Variants in ITGAE observed in about 807,000 individuals in gnomAD.
The protein encoded by ITGAE is integrin subunit alpha E.
Under a neutral mutation model 136.5 loss-of-function variants are expected in ITGAE, and 99 were observed. The observed-to-expected ratio is 0.73, with a 90% CI of 0.62 to 0.86. The LOEUF (loss-of-function observed/expected upper bound fraction) is 0.86. Ranked by LOEUF, ITGAE falls within the 40% of genes least tolerant of loss-of-function variation. The pLI is 0.00. For synonymous variants in ITGAE, 613 were observed against 591.8 expected (o/e 1.04, Z -0.52); for missense variants, 1,447 against 1,515.3 (o/e 0.95, Z 0.75).
chr17:3,751,994 C>A (rs541833220), intron 14 of ITGAE, 120 bp from the exon 15 acceptor site: 2 of 837,812 alleles, frequency 2.4e-6, no homozygotes, highest in Non-Finnish European at 3.9e-6. Context: ...CCAGGATGCA[C>A]GCTCGCTGGG....
Position 3,755,249 on chromosome 17 carries a change from G to A in ITGAE, c.1252C>T (p.Leu418Phe). Residue 418 changes from leucine to phenylalanine, a missense_variant, in exon 12 of 31, where the codon CTC becomes TTC. Coordinates refer to ENST00000263087, the MANE Select transcript of ITGAE (RefSeq NM_002208.5). The part of the protein sequence containing the change: ...AQILDERQVL[L>F]GAVGAFDWSG... ...CAGTCAAAGGCCCCGACGGCGCCGA[G>A]CAGCACCTGCCGCTGAAGGGGACGG... 2 of 1,575,256 alleles carry A rather than the reference G, an allele frequency of 1.3e-6. No individual in the cohort carries two copies. Among genetic ancestry groups the A allele is most frequent in the Non-Finnish European group, 1.7e-6 (2 of 1,167,202 alleles).
At chr17:3,723,783 C>T in intron 26 of ITGAE, 39 bp from the exon 27 acceptor site, 6 of 1,601,068 alleles carry the variant, frequency 3.7e-6, no homozygotes, top group Non-Finnish European at 5.1e-6. Flanking sequence ...CTGAACAAAC[C>T]AAGCCGCCAG....
chr17:3,724,621 A>G (rs1361020876), intron 26 of ITGAE: 1 of 1,614,088 alleles, frequency 6.2e-7, no homozygotes, highest in Non-Finnish European at 8.5e-7. Flanking sequence ...GGAGGAGCCA[A>G]GGACACCAGG....
intron 2 of ITGAE, among the ~76,000 whole-genome samples, chr17:3,771,697 C>T (rs190201968): frequency 1.3e-5 from 2 of 152,108 alleles, no homozygotes; most frequent in African/African-American, 2.4e-5. Context: ...CCACCACACC[C>T]GGCTAATTTT....
chr17:3,740,503 A>G (rs1272505464), intron 19 of ITGAE, among the ~76,000 whole-genome samples: 6 of 152,124 alleles, frequency 3.9e-5, no homozygotes, highest in Admixed American at 1.3e-4. Flanking sequence ...CAGCCTCCCA[A>G]GTAGCTGGGA....
chr17:3,757,745 G>A lies in ITGAE; in HGVS notation c.981C>T (p.Asn327=), dbSNP rs1481634958. 1.2e-6 allele frequency: 2 copies of A among 1,614,160 alleles called. No individual in the cohort carries two copies. The highest frequency in any genetic ancestry group is 1.1e-5 in the South Asian group (1 of 91,074). ...EDPLNLTTVI[N]SPKMQGVERF... ...GCTCAACACCCTGCATTTTGGGGGA[G>A]TTGATGACTGTCGTAAGGTTGAGGG... Residue 327 remains asparagine (N), a synonymous_variant, in exon 9 of 31, where the codon AAC becomes AAT. Transcript: ENST00000263087.
intron 20 of ITGAE, among the ~76,000 whole-genome samples, chr17:3,737,999 C>A (rs1406340139): frequency 6.6e-6 from 1 of 152,186 alleles, no homozygotes; most frequent in Non-Finnish European, 1.5e-5. Flanking sequence ...AGCCTGGATT[C>A]CAGAGCATTT....
At chr17:3,791,434 C>A (rs1043690447) in intron 1 of ITGAE, among the ~76,000 whole-genome samples, 1 of 151,944 alleles carries the variant, frequency 6.6e-6, no homozygotes, top group Non-Finnish European at 1.5e-5. Flanking sequence ...AGGGGTGTGC[C>A]AACATGCCTG....
chr17:3,768,714 T>G (rs1289878423), intron 2 of ITGAE, among the ~76,000 whole-genome samples: 2 of 152,196 alleles, frequency 1.3e-5, no homozygotes, highest in Non-Finnish European at 2.9e-5. Flanking sequence ...TTACTCTGCT[T>G]CACATCACCC....
At chr17:3,718,940 T>C (rs1288407789) in intron 29 of ITGAE, among the ~76,000 whole-genome samples, 1 of 152,120 alleles carries the variant, frequency 6.6e-6, no homozygotes, top group Non-Finnish European at 1.5e-5. Context: ...GTATTAGAAA[T>C]ACACTACTTA....
intron 1 of ITGAE, among the ~76,000 whole-genome samples, chr17:3,793,626 C>T (rs1168795649): frequency 6.6e-6 from 1 of 152,202 alleles, no homozygotes; most frequent in African/African-American, 2.4e-5. Flanking sequence ...TGGCCACTCT[C>T]CCAGCACCTA....
chr17:3,725,265 C>T, intron 26 of ITGAE: 1 of 1,614,218 alleles, frequency 6.2e-7, no homozygotes, highest in South Asian at 1.1e-5. Context: ...TATGTATTTG[C>T]TAAGCCCCTT....
At chr17:3,723,478 G>C in intron 27 of ITGAE, 95 bp from the exon 28 acceptor site, 2 of 1,060,634 alleles carry the variant, frequency 1.9e-6, no homozygotes, top group South Asian at 1.3e-5. Context: ...TAAGGTCCCA[G>C]AATAGAGGGT....
intron 1 of ITGAE, among the ~76,000 whole-genome samples, chr17:3,782,454 G>A (rs1006878786): frequency 4.7e-5 from 7 of 148,998 alleles, no homozygotes; most frequent in South Asian, 2.1e-4. Flanking sequence ...TGACACCTTC[G>A]CCTCCCAGGA....
At chr17:3,749,650 G>A (rs2051815022) in intron 16 of ITGAE, among the ~76,000 whole-genome samples, 1 of 152,092 alleles carries the variant, frequency 6.6e-6, no homozygotes, top group Non-Finnish European at 1.5e-5. Flanking sequence ...GAGAGGACGG[G>A]ACAGACGGGC....
intron 16 of ITGAE, 50 bp downstream of exon 16, chr17:3,750,302 A>G (rs763289939): frequency 1.4e-5 from 22 of 1,606,824 alleles, no homozygotes; most frequent in Admixed American, 3.4e-5. Flanking sequence ...AGAGCAGGGC[A>G]AATGGGTGAG....
At chr17:3,788,052 C>T (rs1889024284) in intron 1 of ITGAE, among the ~76,000 whole-genome samples, 1 of 152,104 alleles carries the variant, frequency 6.6e-6, no homozygotes, top group South Asian at 2.1e-4. Flanking sequence ...TTGATAATCT[C>T]TTTTGTGAAA....
chr17:3,800,914 G>T (rs1323630798), intron 1 of ITGAE, among the ~76,000 whole-genome samples, 197 bp downstream of exon 1: 1 of 152,214 alleles, frequency 6.6e-6, no homozygotes, highest in Non-Finnish European at 1.5e-5. Flanking sequence ...GCAACACGAA[G>T]CCTCAGCCGC....
At chr17:3,787,265 CCA>C (rs1284301650) in intron 1 of ITGAE, among the ~76,000 whole-genome samples, 1 of 152,026 alleles carries the variant, frequency 6.6e-6, no homozygotes, top group Non-Finnish European at 1.5e-5. Context: ...GCATGTGCCA[CCA>C]CACCCGCCTA....
Sources: gnomAD v4.1 joint callset for allele counts (sites outside exome capture counted in the v4.1 genomes callset) on GRCh38, gnomAD v4.1.1 for gene constraint, MANE v1.5 for transcripts, NCBI Gene and HGNC (gene_info 2026-07-23, HGNC 2026-07-21) for gene names.